The following PUM1 variants were observed in gnomAD, a reference collection of about 807,000 sequenced individuals.
PUM1 encodes the protein pumilio homolog 1.
Under a neutral mutation model 131.8 loss-of-function variants are expected in PUM1, and 13 were observed. The ratio of observed to expected loss-of-function variants is 0.10; its 90% CI spans 0.06 to 0.16. PUM1 has a LOEUF of 0.16. Among genes scored for constraint, PUM1 ranks in the 10% least tolerant of loss-of-function variants. The pLI is 1.00. For missense variants in PUM1, 961 were observed against 1,512.4 expected (o/e 0.64, Z 6.05); for synonymous variants, 509 against 556.5 (o/e 0.91, Z 1.20).
chr1:30,990,746 G>A (rs1430078252), intron 7 of PUM1, among the ~76,000 whole-genome samples: 3 of 152,160 alleles, frequency 2.0e-5, no homozygotes, highest in South Asian at 2.1e-4. Context: ...TCATGACAGT[G>A]GTATGTCTGT....
chr1:30,959,584 CAGGATAAA>C (rs1640318912), intron 14 of PUM1, among the ~76,000 whole-genome samples: 1 of 151,950 alleles, frequency 6.6e-6, no homozygotes, highest in African/African-American at 2.4e-5. Context: ...TCACGGAATA[CAGGATAAA>C]AGCCACATGA....
In PUM1 at chr1:30,952,338, C is replaced by T; in HGVS notation, c.2617G>A (p.Ala873Thr). ...SRFIQLKLER[A>T]TPAERQLVFN... ...ACAAGCTGGCGCTCAGCTGGTGTGGCACGCTCCAGTTTCAGCTGAATGAAT... is the reference window on the plus strand; with the variant it reads ...ACAAGCTGGCGCTCAGCTGGTGTGGTACGCTCCAGTTTCAGCTGAATGAAT... The change falls in exon 16 of 22, where the codon GCC becomes ACC. Residue 873 changes from alanine (A) to threonine (T), a missense_variant. Ala to Thr is a moderately conservative substitution (Grantham distance 58). Coordinates refer to ENST00000426105, the MANE Select transcript of PUM1 (RefSeq NM_001020658.2). 3.7e-6 allele frequency: 6 copies of T among 1,613,394 alleles called. No homozygotes were observed. The highest frequency in any genetic ancestry group is 5.1e-6 in the Non-Finnish European group (6 of 1,179,356).
rs747809448 is a variant in PUM1, at chr1:31,028,805, C to T, written c.423G>A (p.Ala141=). ...ACACCAGTTCACTTACCTCTCCCATCGCTCTTCCCTCCAGAGCAAGTGCTT... is the reference window on the plus strand; with the variant it reads ...ACACCAGTTCACTTACCTCTCCCATTGCTCTTCCCTCCAGAGCAAGTGCTT... ...DFQALALEGR[A]MGEQLLPGKK... The change falls in exon 3 of 22, where the codon GCG becomes GCA. Residue 141 remains alanine, a synonymous_variant. Transcript: ENST00000426105. The T allele has an allele frequency of 4.3e-6, 7 of 1,613,298 alleles. No homozygotes were observed. In the African/African-American group the frequency reaches 6.7e-5, roughly 15 times the overall value.
chr1:31,053,356 A>T lies in PUM1; in HGVS notation c.363+5848T>A, dbSNP rs555599370. ...ATTTTACAGGCAAAAAAAAAAAAAAAATTTTTTTCATGAGACTTCTTTCCC... is the reference window on the plus strand; with the variant it reads ...ATTTTACAGGCAAAAAAAAAAAAAATATTTTTTTCATGAGACTTCTTTCCC... On this transcript the variant is annotated intron_variant, in intron 2 of 21. Transcript: ENST00000426105. Among the ~76,000 whole-genome samples, 224 of 150,930 alleles carry T rather than the reference A, an allele frequency of 1.5e-3. 2 individuals carry two copies. In the East Asian group the frequency reaches 0.029, roughly 20 times the overall value.
intron 13 of PUM1, 94 bp downstream of exon 13, chr1:30,965,888 G>C: frequency 7.5e-7 from 1 of 1,334,652 alleles, no homozygotes; most frequent in Non-Finnish European, 1.0e-6. Flanking sequence ...GCTTGGTCCA[G>C]ATCTGCCTGT....
intron 14 of PUM1, among the ~76,000 whole-genome samples, chr1:30,959,577 C>T (rs965516371): frequency 9.2e-5 from 14 of 152,054 alleles, no homozygotes; most frequent in Non-Finnish European, 4.4e-5. Flanking sequence ...ACCACATTCA[C>T]GGAATACAGG....
chr1:31,040,974 A>C (rs1343859051), intron 2 of PUM1, among the ~76,000 whole-genome samples: 1 of 152,180 alleles, frequency 6.6e-6, no homozygotes, highest in African/African-American at 2.4e-5. Context: ...AGAAAACGGG[A>C]GATGCAGGAA....
chr1:30,942,533 G>A (rs928953187), intron 18 of PUM1, among the ~76,000 whole-genome samples: 11 of 151,902 alleles, frequency 7.2e-5, no homozygotes, highest in Admixed American at 3.9e-4. Context: ...CTTTCACACC[G>A]CCAGAACAAC....
intron 1 of PUM1, 74 bp downstream of exon 1, chr1:31,065,542 A>T (rs1557614472): frequency 6.6e-7 from 1 of 1,504,146 alleles, no homozygotes; most frequent in Non-Finnish European, 8.9e-7. Flanking sequence ...ACTCTCAAAC[A>T]CCAATATGAA....
At position 30,969,300 on chromosome 1, in the gene PUM1, T is replaced by C. The variant is rs370462362; in HGVS notation, c.1507-808A>G. ...GCCTGGGAAAAAGAGCAAAACTCCATTTCAAAACACACACACAAAAAAAAA... is the reference window on the plus strand; with the variant it reads ...GCCTGGGAAAAAGAGCAAAACTCCACTTCAAAACACACACACAAAAAAAAA... On this transcript the variant is annotated intron_variant, in intron 10 of 21. Transcript: ENST00000426105. Among the ~76,000 whole-genome samples the C allele has an allele frequency of 7.3e-4, 92 of 125,854 alleles. 3 individuals are homozygous for C. In the South Asian group the frequency reaches 0.016, roughly 22 times the overall value. The allele number at this position is 125,854 out of a possible 152,430, so 82.6% of individuals were successfully genotyped here. A position where few individuals can be genotyped will look rare whatever the true frequency, so the allele number is the denominator to read the frequency against.
intron 2 of PUM1, among the ~76,000 whole-genome samples, chr1:31,035,858 C>T (rs968802545): frequency 2.0e-5 from 3 of 152,042 alleles, no homozygotes; most frequent in Non-Finnish European, 2.9e-5. Flanking sequence ...AACCAAAAAA[C>T]CTCTTTTGGT....
intron 7 of PUM1, among the ~76,000 whole-genome samples, chr1:30,984,928 C>A (rs987414970): frequency 1.7e-4 from 26 of 152,102 alleles, no homozygotes; most frequent in African/African-American, 1.7e-4. Context: ...CCCACTCCCC[C>A]CTGGCCACCG....
intron 2 of PUM1, among the ~76,000 whole-genome samples, chr1:31,057,743 A>AAC (rs1465039106): frequency 2.0e-5 from 3 of 151,576 alleles, no homozygotes; most frequent in Admixed American, 1.3e-4. Context: ...AAAAAAAAAA[A>AAC]AAAACAACTA....
At chr1:31,012,836 CTTATT>C (rs1642673967) in intron 3 of PUM1, among the ~76,000 whole-genome samples, 1 of 152,118 alleles carries the variant, frequency 6.6e-6, no homozygotes, top group African/African-American at 2.4e-5. Context: ...CTCTAAGCTT[CTTATT>C]TTAAGAACAG....
chr1:30,957,644 G>A (rs1640224720), intron 14 of PUM1, among the ~76,000 whole-genome samples: 2 of 152,276 alleles, frequency 1.3e-5, no homozygotes, highest in South Asian at 2.1e-4. Flanking sequence ...TTGCATAATT[G>A]TATATAAGGG....
intron 7 of PUM1, 38 bp downstream of exon 7, chr1:30,992,352 A>G (rs1380825836): frequency 6.3e-7 from 1 of 1,592,166 alleles, no homozygotes; most frequent in Non-Finnish European, 8.6e-7. Flanking sequence ...TGCTGGCTGG[A>G]GGGAGAGTAG....
intron 17 of PUM1, 23 bp downstream of exon 17, chr1:30,950,104 G>GA: frequency 6.2e-7 from 1 of 1,605,110 alleles, no homozygotes; most frequent in Non-Finnish European, 8.5e-7. Flanking sequence ...AACACCAAGA[G>GA]AAAAGTTAAA....
chr1:31,027,897 A>G (rs1439758332), intron 3 of PUM1, among the ~76,000 whole-genome samples: 1 of 152,212 alleles, frequency 6.6e-6, no homozygotes, highest in Non-Finnish European at 1.5e-5. Context: ...CTTGTGAAAT[A>G]TTAAAATCGA....
Position 30,974,819 on chromosome 1 carries a change from A to T in PUM1, c.1355-17T>A. ...CAGCTGGGCCTAAAAATAGCAAAAG[A>T]AAGGTAAAGAAAGTCTGAACTACTG... On this transcript the variant is annotated splice_polypyrimidine_tract_variant and intron_variant, in intron 9 of 21. Transcript: ENST00000426105. 1.3e-6 allele frequency: 2 copies of T among 1,593,622 alleles called. No individual in the cohort carries two copies. Among genetic ancestry groups the T allele is most frequent in the South Asian group, 2.3e-5 (2 of 88,186 alleles).
Sources: gnomAD v4.1 joint callset for allele counts (sites outside exome capture counted in the v4.1 genomes callset) on GRCh38, gnomAD v4.1.1 for gene constraint, MANE v1.5 for transcripts, NCBI Gene and HGNC (gene_info 2026-07-23, HGNC 2026-07-21) for gene names.